Variants in LDB3 observed in about 807,000 individuals in gnomAD.
LDB3 encodes LIM domain binding 3, also known as LIM domain-binding protein 3.
A neutral mutation model predicts 69.0 loss-of-function variants in LDB3; 49 were observed. The observed-to-expected ratio is 0.71, with a 90% confidence interval of 0.56 to 0.90. The LOEUF (loss-of-function observed/expected upper bound fraction) is 0.90. Ranked by LOEUF, LDB3 falls within the 40% of genes least tolerant of loss-of-function variation. The pLI is 0.00. For missense variants in LDB3, 928 were observed against 974.1 expected (o/e 0.95, Z 0.63); for synonymous variants, 387 against 396.2 (o/e 0.98, Z 0.28).
intron 7 of LDB3, among the ~76,000 whole-genome samples, chr10:86,696,042 T>C (rs1026664231): frequency 2.6e-5 from 4 of 152,188 alleles, no homozygotes; most frequent in Non-Finnish European, 4.4e-5. Flanking sequence ...GTGCATCACA[T>C]AGCCCTTTCC....
chr10:86,706,799 G>T, intron 8 of LDB3, 80 bp downstream of exon 8: 23 of 1,472,588 alleles, frequency 1.6e-5, no homozygotes, highest in Non-Finnish European at 2.0e-5. Context: ...CCTGTGGCCA[G>T]CTGTGTCCAA....
At chr10:86,669,112 G>A (rs1407239670) in intron 2 of LDB3, among the ~76,000 whole-genome samples, 5 of 152,236 alleles carry the variant, frequency 3.3e-5, no homozygotes, top group African/African-American at 9.6e-5. Flanking sequence ...TACTGTTAGA[G>A]TGGGCTCAGG....
At chr10:86,704,279 T>C (rs2132453019) in intron 7 of LDB3, among the ~76,000 whole-genome samples, 1 of 152,300 alleles carries the variant, frequency 6.6e-6, no homozygotes, top group South Asian at 2.1e-4. Context: ...CCAAGCCCTT[T>C]TTTGCCATTT....
At chr10:86,672,363 T>C (rs1844534414) in intron 2 of LDB3, among the ~76,000 whole-genome samples, 1 of 152,132 alleles carries the variant, frequency 6.6e-6, no homozygotes, top group South Asian at 2.1e-4. Flanking sequence ...CTCTGTGGGT[T>C]TCGGTTCCAG....
chr10:86,710,234 G>C (rs994152068), intron 9 of LDB3, 184 bp downstream of exon 9: 79 of 985,316 alleles, frequency 8.0e-5, no homozygotes, highest in South Asian at 4.7e-4. Context: ...CATCTGGTCT[G>C]GGGGAGACAG....
rs1844274130 is a variant in LDB3, at chr10:86,668,561, G to A, written c.-33G>A. 1 of 780,902 alleles carries A rather than the reference G, an allele frequency of 1.3e-6. No individual in the cohort carries two copies. The highest frequency in any genetic ancestry group is 1.4e-5 in the South Asian group (1 of 71,970). The allele number at this position is 780,902 out of a possible 1,614,324, so 48.4% of individuals were successfully genotyped here. ...CACGCAGCCCGGCTGGGCAGCAAGGGACAGAACAGGCAAGGCTGGGGGTCA... is the reference window on the plus strand; with the variant it reads ...CACGCAGCCCGGCTGGGCAGCAAGGAACAGAACAGGCAAGGCTGGGGGTCA... On this transcript the variant is annotated 5_prime_UTR_variant, in exon 1 of 14. Transcript: ENST00000361373.
chr10:86,731,220 T>G (rs1847447353), intron 13 of LDB3, among the ~76,000 whole-genome samples: 1 of 142,322 alleles, frequency 7.0e-6, no homozygotes. Flanking sequence ...CTTTTCCATA[T>G]CTACCTTTTT....
chr10:86,685,809 T>C (rs1845436393), intron 5 of LDB3: 6 of 1,257,102 alleles, frequency 4.8e-6, no homozygotes, highest in Admixed American at 3.4e-5. Flanking sequence ...TACATGTATG[T>C]GCATATGTAT....
At chr10:86,679,210 G>A (rs1339093604) in intron 2 of LDB3, among the ~76,000 whole-genome samples, 157 bp from the exon 3 acceptor site, 7 of 152,216 alleles carry the variant, frequency 4.6e-5, no homozygotes, top group Admixed American at 4.6e-4. Flanking sequence ...GCCGGAAAGA[G>A]GAACTAGGCT....
At chr10:86,685,963 G>C (rs1436073243) in intron 5 of LDB3, among the ~76,000 whole-genome samples, 1 of 152,146 alleles carries the variant, frequency 6.6e-6, no homozygotes, top group Non-Finnish European at 1.5e-5. Context: ...AGATGTGCCT[G>C]GGGTTGGTGA....
chr10:86,704,374 G>A (rs1846366721), intron 7 of LDB3, among the ~76,000 whole-genome samples: 1 of 151,898 alleles, frequency 6.6e-6, no homozygotes, highest in South Asian at 2.1e-4. Context: ...CAATCCCAAT[G>A]GCTCAGGGAG....
chr10:86,712,046 C>G (rs1425667160), intron 9 of LDB3, among the ~76,000 whole-genome samples: 2 of 152,136 alleles, frequency 1.3e-5, no homozygotes, highest in African/African-American at 4.8e-5. Flanking sequence ...TCAGGTCTCT[C>G]CTGGCGTGAC....
intron 8 of LDB3, among the ~76,000 whole-genome samples, chr10:86,707,577 T>C (rs2132460907): frequency 6.6e-6 from 1 of 152,252 alleles, no homozygotes; most frequent in South Asian, 2.1e-4. Context: ...CTGTCTGGGC[T>C]TCCAAGAGTA....
chr10:86,722,564 T>C (rs1481828012), intron 12 of LDB3, among the ~76,000 whole-genome samples: 11 of 115,814 alleles, frequency 9.5e-5, no homozygotes, highest in Non-Finnish European at 1.6e-4. Flanking sequence ...CTGGCCTTTT[T>C]TTTTTTTTTT....
chr10:86,670,742 C>T (rs1219443011), intron 2 of LDB3, among the ~76,000 whole-genome samples: 2 of 152,304 alleles, frequency 1.3e-5, no homozygotes, highest in East Asian at 1.9e-4. Context: ...GGCAGGGCAC[C>T]GGGGGATGGG....
At chr10:86,704,576 A>AT (rs1846374937) in intron 7 of LDB3, among the ~76,000 whole-genome samples, 6 of 130,412 alleles carry the variant, frequency 4.6e-5, no homozygotes, top group Admixed American at 4.5e-4. Context: ...CGCCCAGCTA[A>AT]ATTTTTTTTT....
At chr10:86,726,518 C>G (rs1316388510) in intron 13 of LDB3, 2 of 492,188 alleles carry the variant, frequency 4.1e-6, no homozygotes, top group Non-Finnish European at 3.7e-6. Flanking sequence ...AAACCAGCGG[C>G]TTGTCTCACC....
chr10:86,676,638 CA>C (rs1191754120), intron 2 of LDB3, among the ~76,000 whole-genome samples: 1 of 151,428 alleles, frequency 6.6e-6, no homozygotes, highest in East Asian at 1.9e-4. Context: ...GGCAGGTTCA[CA>C]GCAATTGGAG....
chr10:86,733,017 C>A lies in LDB3; in HGVS notation c.*41C>A. The A allele has an allele frequency of 1.4e-6, 2 of 1,419,940 alleles. No homozygotes were observed. The highest frequency in any genetic ancestry group is 2.3e-5 in the East Asian group (1 of 42,864). 88.0% of individuals were successfully genotyped at this position (1,419,940 alleles called of 1,614,324 possible). ...TGTGCTGACGAGGCCCGGAGCTGCT[C>A]CTGCTGCTGGCAACAAAGGATTCGG... is the stretch of plus-strand genomic sequence containing the variant. On this transcript the variant is annotated 3_prime_UTR_variant, in exon 14 of 14. Transcript: ENST00000361373.
Sources: gnomAD v4.1 joint callset for allele counts (sites outside exome capture counted in the v4.1 genomes callset) on GRCh38, gnomAD v4.1.1 for gene constraint, MANE v1.5 for transcripts, NCBI Gene and HGNC (gene_info 2026-07-23, HGNC 2026-07-21) for gene names.